ACSL6: variants seen among roughly 807,000 people sequenced by gnomAD.
ACSL6 encodes the protein long-chain-fatty-acid--CoA ligase 6.
A neutral mutation model predicts 98.2 loss-of-function variants in ACSL6; 47 were observed. The observed-to-expected ratio is 0.48, with a 90% CI of 0.38 to 0.61. The LOEUF is 0.61. Among genes scored for constraint, ACSL6 ranks in the 20% least tolerant of loss-of-function variants. The pLI, the probability that ACSL6 is intolerant of heterozygous loss-of-function variation, is 0.00. For missense variants in ACSL6, 761 were observed against 913.4 expected, an observed-to-expected ratio of 0.83 and a Z score of 2.15; for synonymous variants, 362 against 336.9, an observed-to-expected ratio of 1.07 and a Z score of -0.82.
intron 1 of ACSL6, chr5:131,999,305 T>C (rs1467865713): frequency 6.6e-6 from 1 of 152,248 alleles, no homozygotes; most frequent in Non-Finnish European, 1.5e-5. Context: ...AGGCATGTAG[T>C]AAGGGAAACA....
Position 131,987,898 on chromosome 5 carries a change from C to T in ACSL6, c.831+150G>A, listed in dbSNP as rs983098059. 1.3e-5 allele frequency: 13 copies of T among 1,009,112 alleles called. No individual in the cohort carries two copies. In the East Asian group the frequency reaches 2.5e-4, roughly 19 times the overall value. 62.5% of individuals were successfully genotyped at this position (1,009,112 alleles called of 1,614,324 possible). On this transcript the variant is annotated intron_variant, in intron 7 of 20. Transcript: ENST00000651883. ...CACCAACCCCACCACTCACCACCAG[C>T]CCTTGCAAAGCCTGCCCTGTCTGGA...
chr5:131,956,691 T>A (rs761818800), intron 20 of ACSL6, among the ~76,000 whole-genome samples: 41 of 152,334 alleles, frequency 2.7e-4, no homozygotes, highest in Admixed American at 5.2e-4. Flanking sequence ...GCCACAAACC[T>A]ATAGTTTTTT....
intron 1 of ACSL6, among the ~76,000 whole-genome samples, chr5:131,995,999 A>G (rs991834750): frequency 1.7e-4 from 26 of 152,230 alleles, no homozygotes; most frequent in Admixed American, 6.5e-5. Context: ...AGCACTGGGC[A>G]GAGGTGATTT....
chr5:131,998,688 A>T (rs1032621136), intron 1 of ACSL6, among the ~76,000 whole-genome samples: 4 of 152,162 alleles, frequency 2.6e-5, no homozygotes, highest in Non-Finnish European at 5.9e-5. Flanking sequence ...CAACGGCCCC[A>T]GGCCTGACAG....
At position 131,952,422 on chromosome 5, in the gene ACSL6, AG is replaced by A. The variant is rs2149670192; in HGVS notation, c.*1811del. ...TATAATCACTGATGCATATTTATTC[AG>A]TAGGCCCATGTGATTATGTGGTTTT... On this transcript the variant is annotated 3_prime_UTR_variant, in exon 21 of 21. Transcript: ENST00000651883. 4.7e-6 allele frequency: 1 copy of A among 211,600 alleles called. No homozygotes were observed. Among genetic ancestry groups the A allele is most frequent in the East Asian group, 7.1e-5 (1 of 14,044 alleles). 13.1% of individuals were successfully genotyped at this position (211,600 alleles called of 1,614,324 possible).
At chr5:131,988,328 G>C in intron 6 of ACSL6, 102 bp from the exon 7 acceptor site, 1 of 1,402,386 alleles carries the variant, frequency 7.1e-7, no homozygotes, top group Non-Finnish European at 9.9e-7. Flanking sequence ...TCCATGGTCT[G>C]TGTGCCCATA....
At chr5:131,966,336 A>C in intron 17 of ACSL6, 80 bp downstream of exon 17, 1 of 1,369,636 alleles carries the variant, frequency 7.3e-7, no homozygotes, top group Non-Finnish European at 1.0e-6. Flanking sequence ...GATTTGGAGA[A>C]GACTCCTGCC....
intron 3 of ACSL6, 61 bp downstream of exon 3, chr5:131,990,792 T>C: frequency 6.6e-7 from 1 of 1,513,422 alleles, no homozygotes. Flanking sequence ...ATACCCACCC[T>C]TGCACCCACT....
intron 1 of ACSL6, among the ~76,000 whole-genome samples, chr5:131,999,075 A>C (rs996921584): frequency 6.6e-6 from 1 of 152,206 alleles, no homozygotes; most frequent in Non-Finnish European, 1.5e-5. Flanking sequence ...CTCCAAGTGA[A>C]GAGCTCTGAA....
At chr5:131,986,410 C>T (rs1754179378) in intron 8 of ACSL6, among the ~76,000 whole-genome samples, 1 of 152,312 alleles carries the variant, frequency 6.6e-6, no homozygotes, top group South Asian at 2.1e-4. Flanking sequence ...GGATGACGCA[C>T]AGAACAGTTC....
At chr5:132,003,198 T>A (rs924824210) in intron 1 of ACSL6, among the ~76,000 whole-genome samples, 1 of 152,222 alleles carries the variant, frequency 6.6e-6, no homozygotes, top group Admixed American at 6.5e-5. Flanking sequence ...TCTGAATGCC[T>A]CAAGAAGAAA....
chr5:132,000,165 A>C (rs1432317360), intron 1 of ACSL6, among the ~76,000 whole-genome samples: 3 of 151,918 alleles, frequency 2.0e-5, no homozygotes, highest in African/African-American at 7.3e-5. Context: ...CAGCCAATCT[A>C]CTTGGGAAGA....
chr5:132,001,976 C>T (rs1755108513), intron 1 of ACSL6: 1 of 152,166 alleles, frequency 6.6e-6, no homozygotes, highest in South Asian at 2.1e-4. Flanking sequence ...ACGTTGCCCT[C>T]ACCATGAATT....
intron 3 of ACSL6, 103 bp downstream of exon 3, chr5:131,990,750 C>T: frequency 9.5e-7 from 1 of 1,054,132 alleles, no homozygotes; most frequent in Non-Finnish European, 1.4e-6. Context: ...CTGGGGATAG[C>T]TCACCTGCCA....
rs920510027 is a variant in ACSL6 at position 131,984,924 on chromosome 5, C to A, written c.916+483G>T. ...AGCCACCCTCATGGCAGATGAGAAA[C>A]TGGGGACACTGGTGGCAGAGAAGTT... On this transcript the variant is annotated intron_variant, in intron 9 of 20. Coordinates refer to ENST00000651883, the MANE Select transcript of ACSL6 (RefSeq NM_001009185.3). The A allele has an allele frequency of 4.1e-5, 8 of 193,544 alleles. No individual in the cohort carries two copies. In the South Asian group the frequency reaches 9.0e-4, roughly 22 times the overall value. The allele number at this position is 193,544 out of a possible 1,614,324, so 12.0% of individuals were successfully genotyped here.
At chr5:131,960,711 C>T (rs999318878) in intron 18 of ACSL6, 90 bp from the exon 19 acceptor site, 4 of 962,634 alleles carry the variant, frequency 4.2e-6, no homozygotes, top group Admixed American at 6.0e-5. Context: ...CAGACTCCAC[C>T]TTTTTCAAAA....
chr5:131,981,611 G>A (rs1405857321), intron 9 of ACSL6, among the ~76,000 whole-genome samples: 1 of 152,174 alleles, frequency 6.6e-6, no homozygotes, highest in African/African-American at 2.4e-5. Context: ...AATCTTTTGT[G>A]CCTGGTTTCT....
chr5:131,984,561 T>G (rs911677501), intron 9 of ACSL6: 1 of 152,298 alleles, frequency 6.6e-6, no homozygotes, highest in Non-Finnish European at 1.5e-5. Flanking sequence ...TGGTGTCCCT[T>G]TGGAGCAAGC....
intron 5 of ACSL6, 152 bp downstream of exon 5, chr5:131,989,255 A>G: frequency 1.3e-6 from 1 of 757,980 alleles, no homozygotes; most frequent in Non-Finnish European, 2.2e-6. Flanking sequence ...TGAGGGGCAG[A>G]GCCAGGGTGG....
Sources: allele counts gnomAD v4.1 joint callset (sites outside exome capture counted in the v4.1 genomes callset), GRCh38; gene constraint gnomAD v4.1.1; transcripts MANE v1.5; gene names NCBI Gene and HGNC (gene_info 2026-07-23, HGNC 2026-07-21).